CAPN14: variants seen among roughly 807,000 people sequenced by gnomAD.
CAPN14 encodes calpain-14.
A neutral mutation model predicts 101.3 loss-of-function variants in CAPN14; 94 were observed. The observed-to-expected ratio is 0.93, with a 90% CI of 0.79 to 1.10. The LOEUF (loss-of-function observed/expected upper bound fraction) is 1.10. Among genes scored for constraint, CAPN14 ranks in the 50% least tolerant of loss-of-function variants. The pLI, the probability that CAPN14 is intolerant of heterozygous loss-of-function variation, is 0.00. For missense variants in CAPN14, 837 were observed against 828.4 expected (o/e 1.01, Z -0.13); for synonymous variants, 338 against 317.9 (o/e 1.06, Z -0.67).
chr2:31,204,008 T>C (rs1179771365), intron 2 of CAPN14, among the ~76,000 whole-genome samples: 1 of 152,238 alleles, frequency 6.6e-6, no homozygotes, highest in Non-Finnish European at 1.5e-5. Flanking sequence ...TTAATTTAAA[T>C]GTTTCATGAA....
chr2:31,184,185 C>G (rs1680796429), intron 16 of CAPN14, among the ~76,000 whole-genome samples: 1 of 152,128 alleles, frequency 6.6e-6, no homozygotes, highest in African/African-American at 2.4e-5. Context: ...GCCCGGCCCT[C>G]CTCAGGTTTC....
chr2:31,206,669 G>C (rs1176121234), intron 1 of CAPN14, among the ~76,000 whole-genome samples: 2 of 152,188 alleles, frequency 1.3e-5, no homozygotes, highest in Admixed American at 1.3e-4. Context: ...GCCAGTACGT[G>C]CCCATTCTCC....
intron 7 of CAPN14, 127 bp downstream of exon 7, chr2:31,199,343 C>A: frequency 1.2e-6 from 1 of 809,962 alleles, no homozygotes; most frequent in Non-Finnish European, 2.1e-6. Context: ...TGCCGAGGCA[C>A]AGGGACCCAC....
rs1680176218 is a variant in CAPN14, at chr2:31,174,007, A to C, written c.*674T>G. On this transcript the variant is annotated 3_prime_UTR_variant, in exon 22 of 22. Coordinates refer to ENST00000403897, the MANE Select transcript of CAPN14 (RefSeq NM_001145122.2). ...CCTGTCACAAGCAGGAAGCCCTTTGAGAACTCAGGTGTTTTAAATCTACTA... is the reference window on the plus strand; with the variant it reads ...CCTGTCACAAGCAGGAAGCCCTTTGCGAACTCAGGTGTTTTAAATCTACTA... 6.6e-6 allele frequency: 1 copy of C among 152,408 alleles called. No homozygotes were observed. The highest frequency in any genetic ancestry group is 1.9e-4 in the East Asian group (1 of 5,198). The allele number at this position is 152,408 out of a possible 1,614,324, so 9.4% of individuals were successfully genotyped here.
At chr2:31,193,335 A>G in intron 9 of CAPN14, 41 bp from the exon 10 acceptor site, 1 of 1,544,738 alleles carries the variant, frequency 6.5e-7, no homozygotes, top group Non-Finnish European at 8.7e-7. Flanking sequence ...GATGGACCAG[A>G]TAACGCCTAG....
At chr2:31,190,243 A>G (rs1374216913) in intron 12 of CAPN14, among the ~76,000 whole-genome samples, 1 of 151,962 alleles carries the variant, frequency 6.6e-6, no homozygotes, top group Non-Finnish European at 1.5e-5. Flanking sequence ...TCAGGGCTAT[A>G]GAGGGAGAGG....
chr2:31,183,996 C>T (rs938355972), intron 16 of CAPN14, among the ~76,000 whole-genome samples: 6 of 152,144 alleles, frequency 3.9e-5, no homozygotes, highest in Non-Finnish European at 8.8e-5. Flanking sequence ...ATTCTCCTGC[C>T]TCAGCCTCCT....
In CAPN14 at chr2:31,178,512, T is replaced by G. The variant is rs1278382889; in HGVS notation, c.1778A>C (p.Gln593Pro). Reference protein sequence around the residue: ...RDLWKQLKLSQKVFHKQDRGS... With the variant: ...RDLWKQLKLSPKVFHKQDRGS... ...GGTGTGGTTAAGACTTGTTCTTACC[T>G]GAGAGAGCTTCAGCTGCTTCCACAG... Residue 593 changes from glutamine to proline, a missense_variant and splice_region_variant, in exon 18 of 22, where the codon CAG (glutamine) becomes CCG (proline). Transcript: ENST00000403897. 6.5e-7 allele frequency: 1 copy of G among 1,550,350 alleles called. No individual in the cohort carries two copies. Among genetic ancestry groups the G allele is most frequent in the Non-Finnish European group, 8.7e-7 (1 of 1,146,138 alleles).
chr2:31,173,492 A>G lies in CAPN14; in HGVS notation c.*1189T>C, dbSNP rs186980725. 2 of 152,252 alleles carry G rather than the reference A, an allele frequency of 1.3e-5. No individual in the cohort carries two copies. Among genetic ancestry groups the G allele is most frequent in the Admixed American group, 6.5e-5 (1 of 15,292 alleles). The allele number at this position is 152,252 out of a possible 1,614,324, so 9.4% of individuals were successfully genotyped here. A position where few individuals can be genotyped will look rare whatever the true frequency, so the allele number is the denominator to read the frequency against. On this transcript the variant is annotated 3_prime_UTR_variant, in exon 22 of 22. Coordinates refer to ENST00000403897, the MANE Select transcript of CAPN14 (RefSeq NM_001145122.2). ...TGTAAATTAAGATTAAATAGAATAC[A>G]GGTTGACTATCTCTTAACTAAAATG...
intron 9 of CAPN14, among the ~76,000 whole-genome samples, chr2:31,194,022 C>G (rs999480024): frequency 6.6e-6 from 1 of 152,152 alleles, no homozygotes; most frequent in Non-Finnish European, 1.5e-5. Flanking sequence ...CAGTGTTACT[C>G]TGCTCTGGAG....
At chr2:31,177,005 C>G in intron 20 of CAPN14, 21 bp downstream of exon 20, 1 of 1,526,664 alleles carries the variant, frequency 6.6e-7, no homozygotes, top group Non-Finnish European at 8.9e-7. Context: ...CCTGGCCCTC[C>G]CCAGCTTCCC....
intron 1 of CAPN14, among the ~76,000 whole-genome samples, chr2:31,212,174 G>C (rs1682433927): frequency 6.6e-6 from 1 of 152,102 alleles, no homozygotes; most frequent in Non-Finnish European, 1.5e-5. Context: ...GCTGGGCGCT[G>C]TGGTGGGCGC....
intron 1 of CAPN14, among the ~76,000 whole-genome samples, chr2:31,210,426 C>T (rs562493583): frequency 9.3e-5 from 14 of 149,842 alleles, no homozygotes; most frequent in African/African-American, 3.3e-4. Context: ...CCAGCCTGGG[C>T]GACAGAGCGT....
chr2:31,177,396 A>T lies in CAPN14; in HGVS notation c.1856-254T>A, dbSNP rs572904393. 3.5e-3 allele frequency among the ~76,000 whole-genome samples: 540 copies of T among 152,338 alleles called. 2 individuals carry two copies. Among genetic ancestry groups the T allele is most frequent in the African/African-American group, 0.012 (518 of 41,572 alleles). ...TCATCAAGTATGTTACCAGCCTTCAATGAAGGAGGCAGTCTGCTAAGTGCT... is the reference window on the plus strand; with the variant it reads ...TCATCAAGTATGTTACCAGCCTTCATTGAAGGAGGCAGTCTGCTAAGTGCT... On this transcript the variant is annotated intron_variant, in intron 19 of 21. Transcript: ENST00000403897.
chr2:31,196,061 G>A (rs1681456957), intron 8 of CAPN14, among the ~76,000 whole-genome samples: 3 of 151,952 alleles, frequency 2.0e-5, no homozygotes, highest in South Asian at 4.2e-4. Flanking sequence ...AGAGAAACAC[G>A]GACATAAAAA....
rs768945511 is a variant in CAPN14 at position 31,176,574 on chromosome 2, G to A, written c.2028+13C>T. On this transcript the variant is annotated intron_variant, in intron 21 of 21. Transcript: ENST00000403897. ...TAAGATGACATGAGCCACCTCCTTG[G>A]GGCAAGTCTTACCTCTGGCTTCTGG... 5.2e-6 allele frequency: 8 copies of A among 1,550,752 alleles called. No homozygotes were observed. Among genetic ancestry groups the A allele is most frequent in the Non-Finnish European group, 5.2e-6 (6 of 1,146,162 alleles).
At chr2:31,202,084 C>T (rs1380341211) in intron 4 of CAPN14, 50 bp downstream of exon 4, 1 of 1,550,110 alleles carries the variant, frequency 6.5e-7, no homozygotes, top group South Asian at 1.2e-5. Context: ...CCTCCAGGAA[C>T]CCTTTTTCCT....
At chr2:31,180,522 AG>A (rs1680539087) in intron 17 of CAPN14, among the ~76,000 whole-genome samples, 1 of 152,116 alleles carries the variant, frequency 6.6e-6, no homozygotes, top group South Asian at 2.1e-4. Context: ...GCATGGGGGC[AG>A]CCACCGCCCA....
intron 18 of CAPN14, among the ~76,000 whole-genome samples, chr2:31,178,061 C>T (rs1044397818): frequency 6.6e-6 from 1 of 152,194 alleles, no homozygotes; most frequent in Non-Finnish European, 1.5e-5. Flanking sequence ...GGGGTATAGA[C>T]AGTCTTGGTG....
Sources: gnomAD v4.1 joint callset for allele counts (sites outside exome capture counted in the v4.1 genomes callset) on GRCh38, gnomAD v4.1.1 for gene constraint, MANE v1.5 for transcripts, NCBI Gene and HGNC (gene_info 2026-07-23, HGNC 2026-07-21) for gene names.